The following COL25A1 variants were observed in gnomAD, a reference collection of about 807,000 sequenced individuals.
The protein encoded by COL25A1 is collagen alpha-1(XXV) chain.
In COL25A1, 103 loss-of-function variants were observed where a neutral mutation model predicts 128.4. The observed-to-expected ratio is 0.80, with a 90% confidence interval of 0.68 to 0.94. The LOEUF (loss-of-function observed/expected upper bound fraction) is 0.94, where lower values mean the gene tolerates loss of function less well. Ranked by LOEUF, COL25A1 falls within the 40% of genes least tolerant of loss-of-function variation. The probability of loss-of-function intolerance (pLI) is 0.00; values close to 1 mark genes in which losing one functional copy is unlikely to be tolerated. For missense variants in COL25A1, 745 were observed against 840.0 expected (o/e 0.89, Z 1.40); for synonymous variants, 279 against 277.2 (o/e 1.01, Z -0.06).
At chr4:108,834,751 C>G (rs1380401534) in intron 31 of COL25A1, among the ~76,000 whole-genome samples, 2 of 152,108 alleles carry the variant, frequency 1.3e-5, no homozygotes, top group African/African-American at 4.8e-5. Flanking sequence ...CCATATATTT[C>G]TTTAGGTTCT....
intron 18 of COL25A1, among the ~76,000 whole-genome samples, chr4:108,886,442 T>TTGTGTGTGTGTGTGTG (rs375825376): frequency 2.5e-5 from 2 of 81,376 alleles, no homozygotes; most frequent in African/African-American, 9.4e-5. Flanking sequence ...CTATGAGATT[T>TTGTGTGTGTGTGTGTG]TGTGTGTGTG....
intron 16 of COL25A1, among the ~76,000 whole-genome samples, chr4:108,896,139 G>A (rs1017259975): frequency 4.0e-5 from 6 of 151,312 alleles, no homozygotes; most frequent in African/African-American, 1.2e-4. Context: ...TAGTAGGGAC[G>A]GGGTTTCACT....
chr4:109,154,779 A>G (rs1268140480), intron 3 of COL25A1, among the ~76,000 whole-genome samples: 2 of 152,252 alleles, frequency 1.3e-5, no homozygotes, highest in Admixed American at 1.3e-4. Context: ...CAGCTGAAGC[A>G]AATAATATGA....
chr4:109,136,947 G>A (rs1041376253), intron 3 of COL25A1, among the ~76,000 whole-genome samples: 13 of 152,196 alleles, frequency 8.5e-5, no homozygotes, highest in South Asian at 2.1e-4. Context: ...TCTTTGAGCC[G>A]ACATGAGTAA....
chr4:109,235,776 G>A (rs1779434525), intron 3 of COL25A1, among the ~76,000 whole-genome samples: 1 of 152,026 alleles, frequency 6.6e-6, no homozygotes, highest in Non-Finnish European at 1.5e-5. Flanking sequence ...TACAATTAGG[G>A]CTAAGTGTAA....
At chr4:109,096,710 T>A (rs188999501) in intron 3 of COL25A1, among the ~76,000 whole-genome samples, 2 of 152,230 alleles carry the variant, frequency 1.3e-5, no homozygotes, top group African/African-American at 4.8e-5. Context: ...TAGAAACTTT[T>A]CATAAGTTCA....
Position 109,204,344 on chromosome 4 carries a change from G to C in COL25A1, c.367+96239C>G, listed in dbSNP as rs75822493. ...GGTTATCAGTTTCGCATTATAATTT[G>C]AGATAATAATTCTGAAAGACGTTGT... On this transcript the variant is annotated intron_variant, in intron 3 of 37. Coordinates refer to ENST00000399132, the MANE Select transcript of COL25A1 (RefSeq NM_198721.4). Among the ~76,000 whole-genome samples, 1,637 of 152,236 alleles carry C rather than the reference G, an allele frequency of 0.011. 59 individuals are homozygous for C. In the South Asian group the frequency reaches 0.14, roughly 13 times the overall value.
At chr4:109,199,371 C>G (rs1355188084) in intron 3 of COL25A1, among the ~76,000 whole-genome samples, 1 of 151,994 alleles carries the variant, frequency 6.6e-6, no homozygotes, top group Non-Finnish European at 1.5e-5. Flanking sequence ...GTTTCGTACT[C>G]TGGGCTCAAG....
intron 3 of COL25A1, among the ~76,000 whole-genome samples, chr4:109,078,933 G>A (rs1192490851): frequency 6.6e-6 from 1 of 152,130 alleles, no homozygotes; most frequent in Non-Finnish European, 1.5e-5. Flanking sequence ...TTTGAATCCT[G>A]ATATTTGTTT....
In COL25A1 at chr4:108,832,127, T is replaced by A. The variant is rs1342853863; in HGVS notation, c.1710+253A>T. On this transcript the variant is annotated intron_variant, in intron 32 of 37. Coordinates refer to ENST00000399132, the MANE Select transcript of COL25A1 (RefSeq NM_198721.4). ...ATCTTCCTTATGGGTGAAGGAAGAA[T>A]CATCTGAGCTATTTATTTTAGCTAT... Among the ~76,000 whole-genome samples the A allele has an allele frequency of 2.0e-5, 3 of 152,338 alleles. No individual in the cohort carries two copies. The East Asian group carries it at 5.8e-4, about 29-fold the overall frequency.
At chr4:109,160,941 ACT>A (rs1373417424) in intron 3 of COL25A1, among the ~76,000 whole-genome samples, 5 of 152,096 alleles carry the variant, frequency 3.3e-5, no homozygotes, top group African/African-American at 9.7e-5. Context: ...ATATTGTTAG[ACT>A]CTGTACATCT....
intron 18 of COL25A1, among the ~76,000 whole-genome samples, chr4:108,888,211 A>T (rs1169427857): frequency 6.6e-6 from 1 of 152,142 alleles, no homozygotes; most frequent in Non-Finnish European, 1.5e-5. Context: ...GTCCATCCTA[A>T]GTGTTTAAAA....
At chr4:109,072,610 C>T (rs192545937) in intron 3 of COL25A1, among the ~76,000 whole-genome samples, 7 of 152,276 alleles carry the variant, frequency 4.6e-5, no homozygotes, top group African/African-American at 1.4e-4. Context: ...GATTTCACCA[C>T]TTCTGTCCTT....
intron 13 of COL25A1, among the ~76,000 whole-genome samples, chr4:108,902,450 T>C (rs1742954158): frequency 6.6e-6 from 1 of 152,036 alleles, no homozygotes; most frequent in Admixed American, 6.6e-5. Context: ...CACTGATAAG[T>C]GAACGAATGT....
At chr4:108,955,958 CT>C (rs1431661962) in intron 8 of COL25A1, among the ~76,000 whole-genome samples, 11 of 152,068 alleles carry the variant, frequency 7.2e-5, no homozygotes, top group Admixed American at 7.2e-4. Flanking sequence ...AAATAAACAG[CT>C]TTCAAAATAC....
Position 108,899,027 on chromosome 4 carries a change from C to A in COL25A1, c.861+127G>T. 2 of 725,638 alleles carry A rather than the reference C, an allele frequency of 2.8e-6. 1 individual carries two copies. The highest frequency in any genetic ancestry group is 4.6e-6 in the Non-Finnish European group (2 of 430,870). The allele number at this position is 725,638 out of a possible 1,614,324, so 44.9% of individuals were successfully genotyped here. ...TATATCTATATACCTACCTACCTAC[C>A]TATTAATCTACCCACCCACCCATCC... On this transcript the variant is annotated intron_variant, in intron 15 of 37. Transcript: ENST00000399132.
chr4:109,147,596 C>A (rs1044880876), intron 3 of COL25A1, among the ~76,000 whole-genome samples: 9 of 152,198 alleles, frequency 5.9e-5, no homozygotes, highest in African/African-American at 2.2e-4. Flanking sequence ...GAGGGCAGAT[C>A]ACTTGAGGTC....
At chr4:108,819,643 G>A (rs1226754390) in intron 35 of COL25A1, among the ~76,000 whole-genome samples, 2 of 152,254 alleles carry the variant, frequency 1.3e-5, no homozygotes, top group South Asian at 2.1e-4. Flanking sequence ...GGCCCAAGAC[G>A]AGATGTGGAA....
intron 3 of COL25A1, among the ~76,000 whole-genome samples, chr4:109,077,684 C>A (rs1195598993): frequency 5.9e-5 from 9 of 152,194 alleles, no homozygotes; most frequent in Non-Finnish European, 1.0e-4. Context: ...AAGAATGAAA[C>A]TATTTTAAAA....
Sources: gnomAD v4.1 joint callset for allele counts (sites outside exome capture counted in the v4.1 genomes callset) on GRCh38, gnomAD v4.1.1 for gene constraint, MANE v1.5 for transcripts, NCBI Gene and HGNC (gene_info 2026-07-23, HGNC 2026-07-21) for gene names.